Variants in ANO3 observed in about 807,000 individuals in gnomAD.
ANO3 encodes the protein anoctamin 3, also known as anoctamin-3.
Under a neutral mutation model 144.8 loss-of-function variants are expected in ANO3, and 99 were observed. That is an observed-to-expected ratio of 0.68 (90% CI 0.58 to 0.81). The LOEUF (loss-of-function observed/expected upper bound fraction) is 0.81. ANO3 is among the 30% of genes least tolerant of loss of function. The pLI is 0.00. For synonymous variants in ANO3, 414 were observed against 392.6 expected (o/e 1.05, Z -0.64); for missense variants, 905 against 1,202.2 (o/e 0.75, Z 3.66).
rs1855746222 is a variant in ANO3, at chr11:26,355,147, G to T, written c.46+22826G>T. On this transcript the variant is annotated intron_variant, in intron 1 of 26. Coordinates refer to ENST00000256737, the MANE Select transcript of ANO3 (RefSeq NM_031418.4). ...CACTGTCTGATTTTCTTGTATTAGG[G>T]CTCTTTTCTTGATCCCGTGTCTTTC... is the stretch of plus-strand genomic sequence containing the variant. Among the ~76,000 whole-genome samples the T allele has an allele frequency of 3.3e-5, 5 of 151,930 alleles. No individual in the cohort carries two copies. The South Asian group carries it at 1.0e-3, about 32-fold the overall frequency.
At chr11:26,314,353 G>T (rs1026465097) in intron 1 of ANO3, among the ~76,000 whole-genome samples, 1 of 152,030 alleles carries the variant, frequency 6.6e-6, no homozygotes, top group Non-Finnish European at 1.5e-5. Context: ...ATAAATTTGT[G>T]AAAACATTAC....
chr11:26,363,825 A>C (rs899980104), intron 1 of ANO3, among the ~76,000 whole-genome samples: 1 of 84,910 alleles, frequency 1.2e-5, no homozygotes, highest in Non-Finnish European at 3.1e-5. Flanking sequence ...CCTAATACAT[A>C]CTGCAAAAAA....
chr11:26,543,409 G>A (rs1849694637), intron 11 of ANO3, among the ~76,000 whole-genome samples: 1 of 151,898 alleles, frequency 6.6e-6, no homozygotes, highest in Non-Finnish European at 1.5e-5. Flanking sequence ...AAAGTAGAAT[G>A]TGGATCTGGA....
chr11:26,437,127 T>A (rs1858324032), intron 1 of ANO3, among the ~76,000 whole-genome samples: 1 of 152,176 alleles, frequency 6.6e-6, no homozygotes, highest in African/African-American at 2.4e-5. Context: ...CGAGGTGCTG[T>A]GAAAGAAGGG....
Position 26,557,266 on chromosome 11 carries a change from C to A in ANO3, c.1387-2453C>A, listed in dbSNP as rs151216267. ...CACGAGCTCAGGAGATCGAGACCATCCTGGCTAAGACAGTGAAACCCTGTC... is the reference window on the plus strand; with the variant it reads ...CACGAGCTCAGGAGATCGAGACCATACTGGCTAAGACAGTGAAACCCTGTC... On this transcript the variant is annotated intron_variant, in intron 13 of 26. Coordinates refer to ENST00000256737, the MANE Select transcript of ANO3 (RefSeq NM_031418.4). Among the ~76,000 whole-genome samples the A allele has an allele frequency of 3.1e-3, 475 of 152,064 alleles. 5 individuals are homozygous for A. The highest frequency in any genetic ancestry group is 0.01 in the African/African-American group (432 of 41,500).
At chr11:26,552,133 G>A (rs1849949378) in intron 12 of ANO3, among the ~76,000 whole-genome samples, 1 of 151,950 alleles carries the variant, frequency 6.6e-6, no homozygotes, top group Admixed American at 6.6e-5. Flanking sequence ...TTTTACTGGA[G>A]ATAATTGCCA....
chr11:26,443,813 C>T lies in ANO3; in HGVS notation c.290C>T (p.Ala97Val). ...GACTCTGTGCTGAGATGTTCATTTG[C>T]TGACCTCAGCGATTTTTGTTTGGGT... ...KNDSVLRCSFADLSDFCLALG... is the reference protein window; with the variant it reads ...KNDSVLRCSFVDLSDFCLALG... The change falls in exon 3 of 27, where the codon GCT (alanine) becomes GTT (valine). Residue 97 changes from alanine to valine, a missense_variant. Physicochemically the swap from Ala to Val is moderately conservative, Grantham distance 64 (BLOSUM62 0). Coordinates refer to ENST00000256737, the MANE Select transcript of ANO3 (RefSeq NM_031418.4). 1 of 1,611,628 alleles carries T rather than the reference C, an allele frequency of 6.2e-7. No individual in the cohort carries two copies. The highest frequency in any genetic ancestry group is 1.1e-5 in the South Asian group (1 of 90,534).
intron 3 of ANO3, among the ~76,000 whole-genome samples, chr11:26,448,128 C>T (rs1858773264): frequency 6.6e-6 from 1 of 151,884 alleles, no homozygotes; most frequent in African/African-American, 2.4e-5. Flanking sequence ...GGAGAAACCC[C>T]ATCTTTACTA....
At chr11:26,289,317 AG>A (rs1464313439) in intron 1 of ANO3, among the ~76,000 whole-genome samples, 2 of 151,858 alleles carry the variant, frequency 1.3e-5, no homozygotes, top group Non-Finnish European at 2.9e-5. Flanking sequence ...GAGCATACTC[AG>A]TAATAAAAAT....
chr11:26,208,421 G>C (rs1851861079), intron 1 of ANO3: 1 of 152,052 alleles, frequency 6.6e-6, no homozygotes, highest in Non-Finnish European at 1.5e-5. Context: ...GCTGAGGCAG[G>C]AGAATGGCGT....
At chr11:26,309,055 A>T (rs1191435183), upstream of ANO3, among the ~76,000 whole-genome samples, 1 of 152,152 alleles carries the variant, frequency 6.6e-6, no homozygotes, top group Non-Finnish European at 1.5e-5. Context: ...GATTGCACAC[A>T]TTTCCATAGA....
chr11:26,502,202 T>TAACAAGTA (rs1454374379), intron 4 of ANO3, among the ~76,000 whole-genome samples: 1 of 152,230 alleles, frequency 6.6e-6, no homozygotes, highest in African/African-American at 2.4e-5. Flanking sequence ...AATCGCAATG[T>TAACAAGTA]AAATGAATAC....
intron 1 of ANO3, chr11:26,427,492 C>T (rs1206969558): frequency 6.6e-6 from 1 of 152,022 alleles, no homozygotes; most frequent in East Asian, 1.9e-4. Flanking sequence ...TTTTGCTGGT[C>T]TGGGAAAATA....
At position 26,408,976 on chromosome 11, in the gene ANO3, G is replaced by A. The variant is rs534145686; in HGVS notation, c.47-32942G>A. Among the ~76,000 whole-genome samples, 1,153 of 151,578 alleles carry A rather than the reference G, an allele frequency of 7.6e-3. 10 individuals are homozygous for A. Among genetic ancestry groups the A allele is most frequent in the Middle Eastern group, 0.027 (8 of 294 alleles). On this transcript the variant is annotated intron_variant, in intron 1 of 26. Coordinates refer to ENST00000256737, the MANE Select transcript of ANO3 (RefSeq NM_031418.4). ...AACATCACACTCCGGGGACTGTTGT[G>A]GGGTGGGGGGAGTGGGGAGGGCTAG... is the stretch of plus-strand genomic sequence containing the variant.
At chr11:26,315,422 G>T (rs1173323930) in intron 1 of ANO3, among the ~76,000 whole-genome samples, 1 of 152,116 alleles carries the variant, frequency 6.6e-6, no homozygotes, top group African/African-American at 2.4e-5. Context: ...TGCTTTCAGG[G>T]TCTAGGCAGA....
At chr11:26,499,543 G>C (rs1861105389) in intron 4 of ANO3, among the ~76,000 whole-genome samples, 1 of 151,040 alleles carries the variant, frequency 6.6e-6, no homozygotes, top group Non-Finnish European at 1.5e-5. Context: ...CTCTAATTGA[G>C]TAGTCCACTA....
At chr11:26,202,668 G>C (rs1368604051) in intron 1 of ANO3, among the ~76,000 whole-genome samples, 1 of 151,500 alleles carries the variant, frequency 6.6e-6, no homozygotes, top group East Asian at 1.9e-4. Flanking sequence ...ATGAAGTCCA[G>C]GTAAAGGGAA....
At chr11:26,292,132 T>G (rs1268323619) in intron 1 of ANO3, among the ~76,000 whole-genome samples, 1 of 152,162 alleles carries the variant, frequency 6.6e-6, no homozygotes, top group Non-Finnish European at 1.5e-5. Context: ...TTCTCTAAAC[T>G]TCTCTTCTCA....
chr11:26,622,511 T>A (rs1193387158), intron 17 of ANO3, among the ~76,000 whole-genome samples: 1 of 149,890 alleles, frequency 6.7e-6, no homozygotes. Flanking sequence ...GAAGCTGAGG[T>A]GGGAGGATTA....
Sources: allele counts gnomAD v4.1 joint callset (sites outside exome capture counted in the v4.1 genomes callset), GRCh38; gene constraint gnomAD v4.1.1; transcripts MANE v1.5; gene names NCBI Gene and HGNC (gene_info 2026-07-23, HGNC 2026-07-21).